The following TMEM163 variants were observed in gnomAD, a reference collection of about 807,000 sequenced individuals.
The protein encoded by TMEM163 is transmembrane protein 163.
Under a neutral mutation model 29.3 loss-of-function variants are expected in TMEM163, and 17 were observed. The ratio of observed to expected loss-of-function variants is 0.58; its 90% CI spans 0.40 to 0.87. The LOEUF (loss-of-function observed/expected upper bound fraction) is 0.87, where lower values mean the gene tolerates loss of function less well. TMEM163 is among the 40% of genes least tolerant of loss of function. TMEM163 has a pLI of 0.00. For missense variants in TMEM163, 303 were observed against 381.5 expected, an observed-to-expected ratio of 0.79 and a Z score of 1.71; for synonymous variants, 157 against 160.6, an observed-to-expected ratio of 0.98 and a Z score of 0.17.
chr2:134,646,136 G>A (rs1683331218), intron 2 of TMEM163, among the ~76,000 whole-genome samples: 1 of 151,370 alleles, frequency 6.6e-6, no homozygotes, highest in East Asian at 1.9e-4. Flanking sequence ...CCAGGCTAGA[G>A]TGCAATGGTA....
chr2:134,718,519 T>A (rs910849439), intron 1 of TMEM163, among the ~76,000 whole-genome samples: 2 of 152,172 alleles, frequency 1.3e-5, no homozygotes, highest in African/African-American at 4.8e-5. Flanking sequence ...AGCTGGGGTC[T>A]GGGCTTCGAG....
chr2:134,691,175 CA>C (rs1684455788), intron 2 of TMEM163, among the ~76,000 whole-genome samples: 1 of 152,192 alleles, frequency 6.6e-6, no homozygotes, highest in Admixed American at 6.5e-5. Flanking sequence ...TTGGGGAGAA[CA>C]GGGGAGAAAT....
intron 2 of TMEM163, among the ~76,000 whole-genome samples, chr2:134,603,750 C>A (rs560094914): frequency 6.7e-6 from 1 of 149,840 alleles, no homozygotes; most frequent in Non-Finnish European, 1.5e-5. Flanking sequence ...TCTCCTTCTC[C>A]TTGGACCAGC....
At chr2:134,590,323 T>C (rs1308274463) in intron 2 of TMEM163, among the ~76,000 whole-genome samples, 3 of 152,188 alleles carry the variant, frequency 2.0e-5, no homozygotes, top group Non-Finnish European at 4.4e-5. Context: ...CTTGCCTCCA[T>C]GAAATCTTCT....
intron 2 of TMEM163, among the ~76,000 whole-genome samples, chr2:134,564,864 C>A (rs571950095): frequency 8.3e-4 from 127 of 152,286 alleles, no homozygotes; most frequent in African/African-American, 2.9e-3. Flanking sequence ...AGTAAGGATG[C>A]AATACAACTG....
chr2:134,542,042 G>A (rs578147047), intron 4 of TMEM163, among the ~76,000 whole-genome samples: 39 of 152,284 alleles, frequency 2.6e-4, no homozygotes, highest in African/African-American at 8.9e-4. Flanking sequence ...ACTATCCCTT[G>A]TTGCTAAGTC....
At chr2:134,535,786 C>T (rs561581331) in intron 4 of TMEM163, among the ~76,000 whole-genome samples, 4 of 151,272 alleles carry the variant, frequency 2.6e-5, no homozygotes, top group South Asian at 2.1e-4. Flanking sequence ...TGCAATGGCA[C>T]GATCTAGGCT....
chr2:134,714,282 A>C (rs1376648014), intron 1 of TMEM163, among the ~76,000 whole-genome samples: 2 of 152,204 alleles, frequency 1.3e-5, no homozygotes, highest in Non-Finnish European at 2.9e-5. Context: ...AGCTTATTAC[A>C]CCATCTCTGG....
chr2:134,678,877 A>G (rs1308727772), intron 2 of TMEM163, among the ~76,000 whole-genome samples: 5 of 152,262 alleles, frequency 3.3e-5, no homozygotes, highest in African/African-American at 1.2e-4. Context: ...TGGATAAGCT[A>G]CACTTTAATG....
intron 2 of TMEM163, among the ~76,000 whole-genome samples, chr2:134,647,357 T>C (rs991172970): frequency 1.3e-5 from 2 of 152,200 alleles, no homozygotes; most frequent in Admixed American, 6.5e-5. Flanking sequence ...GGAAGACTCT[T>C]AGTTTCCCCC....
At chr2:134,600,450 C>A (rs567518555) in intron 2 of TMEM163, among the ~76,000 whole-genome samples, 3 of 152,220 alleles carry the variant, frequency 2.0e-5, no homozygotes, top group Non-Finnish European at 4.4e-5. Context: ...CACACACATA[C>A]ACAAAATCAG....
chr2:134,699,494 G>T (rs757715359), intron 2 of TMEM163, among the ~76,000 whole-genome samples: 10 of 149,488 alleles, frequency 6.7e-5, no homozygotes, highest in Non-Finnish European at 1.2e-4. Flanking sequence ...ACAAAGCAAG[G>T]CTCAATCTCA....
intron 4 of TMEM163, among the ~76,000 whole-genome samples, chr2:134,540,218 G>C (rs372154481): frequency 6.6e-6 from 1 of 152,364 alleles, no homozygotes; most frequent in South Asian, 2.1e-4. Context: ...GGCCAGTTAC[G>C]ACTCCTTGAT....
chr2:134,682,072 A>T (rs543220801), intron 2 of TMEM163, among the ~76,000 whole-genome samples: 2 of 152,152 alleles, frequency 1.3e-5, no homozygotes, highest in African/African-American at 4.8e-5. Flanking sequence ...GCCTTTCTCA[A>T]TTGGGATGCC....
intron 5 of TMEM163, among the ~76,000 whole-genome samples, chr2:134,477,239 T>C (rs947686038): frequency 3.9e-5 from 6 of 152,236 alleles, no homozygotes; most frequent in African/African-American, 1.4e-4. Flanking sequence ...GGTGAATTTC[T>C]AGGGAGATAG....
intron 2 of TMEM163, among the ~76,000 whole-genome samples, chr2:134,561,279 C>T (rs773922682): frequency 6.6e-6 from 1 of 152,260 alleles, no homozygotes; most frequent in Non-Finnish European, 1.5e-5. Context: ...TCTTGGCTCA[C>T]TGCAAGCTCC....
intron 5 of TMEM163, among the ~76,000 whole-genome samples, chr2:134,498,506 A>T (rs920109948): frequency 7.3e-5 from 11 of 151,272 alleles, no homozygotes; most frequent in African/African-American, 2.7e-4. Flanking sequence ...TTTTTTTTGT[A>T]TTTTTAGTAG....
At chr2:134,688,168 C>CTTT (rs1684386156) in intron 2 of TMEM163, among the ~76,000 whole-genome samples, 4 of 152,182 alleles carry the variant, frequency 2.6e-5, no homozygotes, top group African/African-American at 9.7e-5. Context: ...ACACTCCTGC[C>CTTT]AGACTCACAA....
chr2:134,713,226 G>C lies in TMEM163; in HGVS notation c.296C>G (p.Thr99Ser), dbSNP rs760438325. 1 of 1,614,054 alleles carries C rather than the reference G, an allele frequency of 6.2e-7. No homozygotes were observed. The highest frequency in any genetic ancestry group is 8.5e-7 in the Non-Finnish European group (1 of 1,180,032). Residue 99 changes from threonine (T) to serine (S), a missense_variant, in exon 2 of 8, where the codon ACC becomes AGC. Coordinates refer to ENST00000281924, the MANE Select transcript of TMEM163 (RefSeq NM_030923.5). ...LWVSWFSIIV[T>S]LALAVAAFTV... ...AAAGGCAGCCACCGCGAGGGCCAGG[G>C]TGACAATGATGGAGAACCAGGACAC... is the stretch of plus-strand genomic sequence containing the variant.
Sources: gnomAD v4.1 joint callset for allele counts (sites outside exome capture counted in the v4.1 genomes callset) on GRCh38, gnomAD v4.1.1 for gene constraint, MANE v1.5 for transcripts, NCBI Gene and HGNC (gene_info 2026-07-23, HGNC 2026-07-21) for gene names.